DCLK1: variants seen among roughly 807,000 people sequenced by gnomAD.
DCLK1 encodes serine/threonine-protein kinase DCLK1.
In DCLK1, 16 loss-of-function variants were observed where a neutral mutation model predicts 86.2. The ratio of observed to expected loss-of-function variants is 0.19; its 90% CI spans 0.13 to 0.28. The LOEUF (loss-of-function observed/expected upper bound fraction) is 0.28. Ranked by LOEUF, DCLK1 falls within the 10% of genes least tolerant of loss-of-function variation. DCLK1 has a pLI of 1.00. For missense variants in DCLK1, 590 were observed against 940.2 expected, an observed-to-expected ratio of 0.63 and a Z score of 4.87; for synonymous variants, 369 against 370.5, an observed-to-expected ratio of 1.00 and a Z score of 0.05.
At chr13:35,932,279 G>A (rs1416730276) in intron 4 of DCLK1, among the ~76,000 whole-genome samples, 3 of 152,142 alleles carry the variant, frequency 2.0e-5, no homozygotes, top group Non-Finnish European at 4.4e-5. Flanking sequence ...GGCTCCTCCA[G>A]GTCTCAGGTC....
intron 12 of DCLK1, among the ~76,000 whole-genome samples, chr13:35,809,645 C>T (rs2153102741): frequency 6.6e-6 from 1 of 152,254 alleles, no homozygotes; most frequent in South Asian, 2.1e-4. Flanking sequence ...ATATGGTCTT[C>T]AAGACCCACC....
intron 3 of DCLK1, among the ~76,000 whole-genome samples, chr13:36,102,156 A>T (rs1885240916): frequency 6.6e-6 from 1 of 151,706 alleles, no homozygotes. Flanking sequence ...TGTCACTCTG[A>T]AAAGGCATCA....
At chr13:36,119,615 C>A (rs1885908986) in intron 2 of DCLK1, among the ~76,000 whole-genome samples, 1 of 152,134 alleles carries the variant, frequency 6.6e-6, no homozygotes, top group South Asian at 2.1e-4. Flanking sequence ...GTACTGAGGA[C>A]AAAACATGAC....
chr13:36,002,002 T>C (rs1394894388), intron 3 of DCLK1, among the ~76,000 whole-genome samples: 1 of 151,336 alleles, frequency 6.6e-6, no homozygotes, highest in African/African-American at 2.4e-5. Flanking sequence ...TATCCCCTTT[T>C]AGGAGGATGA....
At chr13:35,968,059 T>A (rs115499508) in intron 3 of DCLK1, among the ~76,000 whole-genome samples, 6,628 of 151,228 alleles carry the variant, frequency 0.044, 411 homozygotes, top group African/African-American at 0.14. Context: ...AAAAAAAAAA[T>A]GAATGAAAAT....
chr13:35,850,991 T>C (rs1452843105), intron 6 of DCLK1, among the ~76,000 whole-genome samples: 1 of 152,248 alleles, frequency 6.6e-6, no homozygotes, highest in Non-Finnish European at 1.5e-5. Context: ...AAAATGCCTC[T>C]TGGTCTACTC....
At chr13:36,059,204 G>A (rs188780896) in intron 3 of DCLK1, among the ~76,000 whole-genome samples, 27 of 152,172 alleles carry the variant, frequency 1.8e-4, no homozygotes, top group Admixed American at 1.3e-3. Flanking sequence ...TAGCGTCTGC[G>A]CCTCAGGAAA....
At chr13:36,007,877 A>G (rs528234277) in intron 3 of DCLK1, among the ~76,000 whole-genome samples, 32 of 152,208 alleles carry the variant, frequency 2.1e-4, no homozygotes, top group Non-Finnish European at 4.1e-4. Context: ...TATATTTAGT[A>G]TATCTTGGAT....
chr13:35,992,753 A>G (rs1880292506), intron 3 of DCLK1, among the ~76,000 whole-genome samples: 1 of 152,164 alleles, frequency 6.6e-6, no homozygotes, highest in Non-Finnish European at 1.5e-5. Flanking sequence ...TTTGTCTTGG[A>G]AAATGTCCTA....
At chr13:35,820,804 G>A (rs1402862844) in intron 11 of DCLK1, among the ~76,000 whole-genome samples, 1 of 152,186 alleles carries the variant, frequency 6.6e-6, no homozygotes, top group Non-Finnish European at 1.5e-5. Context: ...GTGAAGATGA[G>A]GAATTTAAGG....
At chr13:36,015,683 T>A (rs547516864) in intron 3 of DCLK1, among the ~76,000 whole-genome samples, 1 of 152,276 alleles carries the variant, frequency 6.6e-6, no homozygotes, top group Admixed American at 6.5e-5. Context: ...TAGCCCATAC[T>A]ACCAATCTAG....
At chr13:35,800,677 C>T (rs1024581384) in intron 15 of DCLK1, among the ~76,000 whole-genome samples, 5 of 152,070 alleles carry the variant, frequency 3.3e-5, no homozygotes, top group Middle Eastern at 3.2e-3. Context: ...GCTTTACTGT[C>T]TATTTTATAT....
At chr13:36,024,392 AG>A (rs1881945514) in intron 3 of DCLK1, among the ~76,000 whole-genome samples, 1 of 152,242 alleles carries the variant, frequency 6.6e-6, no homozygotes, top group Non-Finnish European at 1.5e-5. Context: ...ATAAAGTTCC[AG>A]GATTCAAAAT....
chr13:35,819,238 A>G (rs1926467), intron 11 of DCLK1, among the ~76,000 whole-genome samples: 92,878 of 151,928 alleles, frequency 0.61, 30,525 homozygotes, highest in African/African-American at 0.86. Context: ...TATTGGGTCA[A>G]TGCCCAGTTT....
intron 3 of DCLK1, among the ~76,000 whole-genome samples, chr13:36,076,899 T>G (rs1396689303): frequency 2.6e-5 from 4 of 152,226 alleles, no homozygotes; most frequent in Admixed American, 2.0e-4. Context: ...GTTTCTTCTT[T>G]CACATATTTT....
chr13:35,833,341 T>G (rs1302809562), intron 8 of DCLK1, among the ~76,000 whole-genome samples: 1 of 152,106 alleles, frequency 6.6e-6, no homozygotes, highest in Non-Finnish European at 1.5e-5. Flanking sequence ...GCATCTCACA[T>G]CACGCCCTCT....
chr13:35,837,366 G>A (rs940901546), intron 7 of DCLK1, among the ~76,000 whole-genome samples: 3 of 152,064 alleles, frequency 2.0e-5, no homozygotes, highest in African/African-American at 7.2e-5. Flanking sequence ...CCCCTTTATA[G>A]GTGACATTTC....
At chr13:35,818,213 T>C (rs1325491294) in intron 11 of DCLK1, among the ~76,000 whole-genome samples, 1 of 152,220 alleles carries the variant, frequency 6.6e-6, no homozygotes, top group Non-Finnish European at 1.5e-5. Flanking sequence ...GGCACTCATC[T>C]TGTCCACCAG....
In DCLK1 at chr13:36,073,311, A is replaced by G. The variant is rs114441187; in HGVS notation, c.723+38558T>C. On this transcript the variant is annotated intron_variant, in intron 3 of 16. Transcript: ENST00000360631. ...CTTTATGGATTTGCCTTTTTAGAAAACAGATACTATTTTTAAGGGCCTCTT... is the reference window on the plus strand; with the variant it reads ...CTTTATGGATTTGCCTTTTTAGAAAGCAGATACTATTTTTAAGGGCCTCTT... Among the ~76,000 whole-genome samples the G allele has an allele frequency of 6.0e-3, 914 of 152,208 alleles. 9 individuals carry two copies. The highest frequency in any genetic ancestry group is 0.021 in the African/African-American group (858 of 41,520).
Sources: allele counts gnomAD v4.1 joint callset (sites outside exome capture counted in the v4.1 genomes callset), GRCh38; gene constraint gnomAD v4.1.1; transcripts MANE v1.5; gene names NCBI Gene and HGNC (gene_info 2026-07-23, HGNC 2026-07-21).